Variants in DCAF4 observed in about 807,000 individuals in gnomAD.
The protein encoded by DCAF4 is DDB1- and CUL4-associated factor 4.
DCAF4 carries 37 observed loss-of-function variants against 60.9 expected under a neutral mutation model. That is an observed-to-expected ratio of 0.61 (90% confidence interval 0.47 to 0.80). The LOEUF (loss-of-function observed/expected upper bound fraction) is 0.80. Ranked by LOEUF, DCAF4 falls within the 30% of genes least tolerant of loss-of-function variation. The pLI is 0.00. For missense variants in DCAF4, 577 were observed against 650.0 expected, an observed-to-expected ratio of 0.89 and a Z score of 1.22; for synonymous variants, 243 against 254.8, an observed-to-expected ratio of 0.95 and a Z score of 0.44.
At chr14:72,928,585 T>TTTTATATATATATATATATATATA (rs1283241933) in intron 1 of DCAF4, among the ~76,000 whole-genome samples, 2 of 15,938 alleles carry the variant, frequency 1.3e-4, no homozygotes, top group African/African-American at 1.9e-4. Context: ...TAAACATCCT[T>TTTTATATATATATATATATATATA]TATATATATA....
intron 2 of DCAF4, among the ~76,000 whole-genome samples, chr14:72,939,300 G>A (rs1164856814): frequency 6.6e-6 from 1 of 152,148 alleles, no homozygotes; most frequent in Admixed American, 6.5e-5. Flanking sequence ...TGTTTTAGCC[G>A]CAGCTCTATC....
downstream of DCAF4, chr14:72,961,994 T>G: frequency 9.1e-7 from 1 of 1,103,974 alleles, no homozygotes; most frequent in Non-Finnish European, 1.1e-6. Flanking sequence ...TTCCCTCTGT[T>G]CTAACAGCAT....
intron 7 of DCAF4, 83 bp downstream of exon 7, chr14:72,946,110 G>A (rs1890706586): frequency 1.3e-6 from 2 of 1,532,492 alleles, no homozygotes; most frequent in Admixed American, 3.5e-5. Flanking sequence ...AGAGCAACTG[G>A]GGAAGAGGGC....
chr14:72,929,820 G>C lies in DCAF4; in HGVS notation c.-9+3277G>C, dbSNP rs1009861039. ...CCGGATCATGTCCCGCTACAAACTT[G>C]GTGCGTTTGCTCAGACGCCCGCGGC... On this transcript the variant is annotated intron_variant, in intron 1 of 13. Coordinates refer to ENST00000358377, the MANE Select transcript of DCAF4 (RefSeq NM_015604.4). 6 of 1,209,758 alleles carry C rather than the reference G, an allele frequency of 5.0e-6. No homozygotes were observed. The Middle Eastern group carries it at 8.2e-4, about 164-fold the overall frequency. 74.9% of individuals were successfully genotyped at this position (1,209,758 alleles called of 1,614,324 possible).
At chr14:72,942,596 A>T (rs1890190718) in intron 5 of DCAF4, 1 of 181,974 alleles carries the variant, frequency 5.5e-6, no homozygotes, top group Non-Finnish European at 1.2e-5. Flanking sequence ...CCTGCGAAAC[A>T]AGAGGCGGCC....
intron 1 of DCAF4, among the ~76,000 whole-genome samples, chr14:72,936,136 C>T (rs910440141): frequency 2.0e-5 from 3 of 152,148 alleles, no homozygotes; most frequent in African/African-American, 2.4e-5. Flanking sequence ...CCTTCCTGTG[C>T]GCAGTCCCTT....
At chr14:72,938,108 G>C (rs529863052) in intron 2 of DCAF4, 38 bp downstream of exon 2, 1 of 1,569,658 alleles carries the variant, frequency 6.4e-7, no homozygotes, top group South Asian at 1.2e-5. Context: ...TTTGCCCAGT[G>C]TGCTTCTGGC....
chr14:72,930,429 G>A lies in DCAF4; in HGVS notation c.-9+3886G>A, dbSNP rs533498076. Among the ~76,000 whole-genome samples, 33 of 152,042 alleles carry A rather than the reference G, an allele frequency of 2.2e-4. No individual in the cohort carries two copies. In the South Asian group the frequency reaches 6.7e-3, roughly 31 times the overall value. ...GACCACAGGCGCCCGCCACCACACCGAGCTGATTTTTGTATTTTTAGTAGA... is the reference window on the plus strand; with the variant it reads ...GACCACAGGCGCCCGCCACCACACCAAGCTGATTTTTGTATTTTTAGTAGA... On this transcript the variant is annotated intron_variant, in intron 1 of 13. Transcript: ENST00000358377.
chr14:72,939,428 T>C (rs747618277), intron 2 of DCAF4, among the ~76,000 whole-genome samples: 6 of 152,174 alleles, frequency 3.9e-5, no homozygotes, highest in Non-Finnish European at 5.9e-5. Flanking sequence ...AAGAATGAAA[T>C]TCACCTAGCC....
At chr14:72,938,817 T>A (rs1889645267) in intron 2 of DCAF4, among the ~76,000 whole-genome samples, 1 of 152,044 alleles carries the variant, frequency 6.6e-6, no homozygotes, top group African/African-American at 2.4e-5. Flanking sequence ...AGTCAGTGAG[T>A]GAGTGATGAG....
At position 72,953,732 on chromosome 14, in the gene DCAF4, A is replaced by AAAAAAATATATAT. The variant is rs1555527852; in HGVS notation, c.809-431_809-430insAAAAATATATATA. ...CTTAAAAAAAAAAAAAAAAAAAAAA[A>AAAAAAATATATAT]ATATATATATATATATATATATATA... On this transcript the variant is annotated intron_variant, in intron 9 of 13. Transcript: ENST00000358377. Among the ~76,000 whole-genome samples, 5 of 21,778 alleles carry AAAAAAATATATAT rather than the reference A, an allele frequency of 2.3e-4. 1 individual carries two copies. Among genetic ancestry groups the AAAAAAATATATAT allele is most frequent in the Non-Finnish European group, 1.5e-4 (2 of 13,578 alleles). 14.3% of individuals were successfully genotyped at this position (21,778 alleles called of 152,430 possible).
At chr14:72,933,391 T>C (rs1218658502) in intron 1 of DCAF4, among the ~76,000 whole-genome samples, 1 of 152,066 alleles carries the variant, frequency 6.6e-6, no homozygotes, top group Non-Finnish European at 1.5e-5. Context: ...AAACCACATC[T>C]CTACTAAAAA....
chr14:72,935,850 A>G (rs1359652319), intron 1 of DCAF4, among the ~76,000 whole-genome samples: 1 of 152,270 alleles, frequency 6.6e-6, no homozygotes, highest in Admixed American at 6.5e-5. Context: ...TCAACAAATT[A>G]GAATCATTTC....
chr14:72,958,776 C>T lies in DCAF4; in HGVS notation c.1459C>T (p.Gln487Ter). The T allele has an allele frequency of 2.5e-6, 4 of 1,593,538 alleles. No individual in the cohort carries two copies. The highest frequency in any genetic ancestry group is 2.2e-5 in the East Asian group (1 of 44,796). ...GCCGGGGCTGCTCATGGCTGTCGGG[C>T]AGGACCTTTACTGTTACTCCTACAG... is the stretch of plus-strand genomic sequence containing the variant. ...GAPGLLMAVG[Q>*]DLYCYSYS The change falls in exon 14 of 14, where the codon CAG (glutamine) becomes TAG (stop). Residue 487 changes from glutamine to a stop codon, truncating the protein, a stop_gained. Coordinates refer to ENST00000358377, the MANE Select transcript of DCAF4 (RefSeq NM_015604.4). LOFTEE classifies it high-confidence loss of function.
At chr14:72,937,462 G>T (rs1266122006) in intron 1 of DCAF4, among the ~76,000 whole-genome samples, 1 of 128,522 alleles carries the variant, frequency 7.8e-6, no homozygotes, top group Non-Finnish European at 1.6e-5. Context: ...GCCCAGGCTA[G>T]AGTGCAGTTT....
downstream of DCAF4, chr14:72,962,035 T>G: frequency 9.3e-7 from 1 of 1,076,746 alleles, no homozygotes; most frequent in Non-Finnish European, 1.2e-6. Flanking sequence ...AACCTGAATT[T>G]CTAAGACAGA....
intron 1 of DCAF4, among the ~76,000 whole-genome samples, chr14:72,935,984 C>T (rs1889211023): frequency 6.6e-6 from 1 of 152,086 alleles, no homozygotes; most frequent in South Asian, 2.1e-4. Flanking sequence ...GATGGGGTCT[C>T]ACTCTATTGC....
chr14:72,937,075 G>A (rs779189620), intron 1 of DCAF4, among the ~76,000 whole-genome samples: 23 of 152,170 alleles, frequency 1.5e-4, no homozygotes, highest in South Asian at 1.2e-3. Context: ...GAGGAATATC[G>A]GGAGATGAAG....
chr14:72,934,242 C>A (rs1319722834), intron 1 of DCAF4, among the ~76,000 whole-genome samples: 7 of 152,044 alleles, frequency 4.6e-5, no homozygotes, highest in African/African-American at 1.7e-4. Flanking sequence ...CAACCTCCAC[C>A]TCCCGGGTTC....
Sources: gnomAD v4.1 joint callset for allele counts (sites outside exome capture counted in the v4.1 genomes callset) on GRCh38, gnomAD v4.1.1 for gene constraint, MANE v1.5 for transcripts, NCBI Gene and HGNC (gene_info 2026-07-23, HGNC 2026-07-21) for gene names.